The following ARHGAP8 variants were observed in gnomAD, a reference collection of about 807,000 sequenced individuals.
The protein encoded by ARHGAP8 is Rho GTPase activating protein 8, also known as rho GTPase-activating protein 8.
A neutral mutation model predicts 46.1 loss-of-function variants in ARHGAP8; 62 were observed. That is an observed-to-expected ratio of 1.34 (90% CI 1.10 to 1.66). The LOEUF is 1.66. ARHGAP8 is among the 40% of genes most tolerant of loss of function. The probability of loss-of-function intolerance (pLI) is 0.00; values close to 1 mark genes in which losing one functional copy is unlikely to be tolerated. For synonymous variants in ARHGAP8, 375 were observed against 243.1 expected, an observed-to-expected ratio of 1.54 and a Z score of -5.05; for missense variants, 923 against 568.4, an observed-to-expected ratio of 1.62 and a Z score of -6.34.
At chr22:44,791,776 C>T (rs116914699) in intron 2 of ARHGAP8, among the ~76,000 whole-genome samples, 2 of 152,254 alleles carry the variant, frequency 1.3e-5, no homozygotes, top group Admixed American at 6.5e-5. Context: ...ATATGAGGGC[C>T]TCAGCCATCC....
chr22:44,844,853 T>C (rs1414271974), intron 7 of ARHGAP8, among the ~76,000 whole-genome samples: 2 of 152,152 alleles, frequency 1.3e-5, no homozygotes, highest in African/African-American at 4.8e-5. Flanking sequence ...ATTGAATCAA[T>C]ATCCAGTCCA....
intron 9 of ARHGAP8, 90 bp from the exon 10 acceptor site, chr22:44,848,842 C>T: frequency 6.3e-7 from 1 of 1,577,620 alleles, no homozygotes; most frequent in Non-Finnish European, 8.6e-7. Flanking sequence ...CCCATCCGGA[C>T]ATCTCACGCC....
chr22:44,757,567 A>G (rs1052090173), intron 1 of ARHGAP8, among the ~76,000 whole-genome samples: 4 of 152,042 alleles, frequency 2.6e-5, no homozygotes, highest in African/African-American at 9.7e-5. Flanking sequence ...GTGAGCCACC[A>G]TGCCTGGCCC....
intron 7 of ARHGAP8, among the ~76,000 whole-genome samples, chr22:44,837,032 G>T (rs1035321911): frequency 6.6e-6 from 1 of 152,022 alleles, no homozygotes; most frequent in Admixed American, 6.6e-5. Flanking sequence ...CTACAGGCGC[G>T]TGCCACCGTA....
At chr22:44,825,732 G>C (rs1456755243) in intron 7 of ARHGAP8, 139 bp downstream of exon 7, 7 of 1,083,364 alleles carry the variant, frequency 6.5e-6, no homozygotes, top group South Asian at 1.7e-5. Flanking sequence ...TAAAGCCTGA[G>C]CTCATCACTG....
intron 10 of ARHGAP8, among the ~76,000 whole-genome samples, chr22:44,858,111 A>G (rs1198973993): frequency 6.6e-6 from 1 of 152,212 alleles, no homozygotes; most frequent in Non-Finnish European, 1.5e-5. Flanking sequence ...GCTTGATTTC[A>G]TGGAATAATG....
chr22:44,860,459 ACCTTTCCCT>A (rs995008333), intron 11 of ARHGAP8, among the ~76,000 whole-genome samples: 12 of 151,034 alleles, frequency 7.9e-5, no homozygotes, highest in African/African-American at 2.7e-4. Context: ...ATCTCCCTCC[ACCTTTCCCT>A]CCTAAGTGTG....
rs773183238 is a variant in ARHGAP8 at position 44,859,852 on chromosome 22, G to A, written c.981+18G>A. 1.6e-3 allele frequency: 2,646 copies of A among 1,611,112 alleles called. 8 individuals carry two copies. Among genetic ancestry groups the A allele is most frequent in the Non-Finnish European group, 1.7e-3 (2,012 of 1,178,686 alleles). On this transcript the variant is annotated intron_variant, in intron 11 of 11. Transcript: ENST00000356099. The stretch of plus-strand genomic sequence containing the variant: ...TGCATGCGGTGAGTGGGGAAGGGGG[G>A]AGCTTGGGGTGAAGCCCAGTGGCCT...
At chr22:44,802,667 A>G (rs2349853) in intron 3 of ARHGAP8, among the ~76,000 whole-genome samples, 66,733 of 151,954 alleles carry the variant, frequency 0.44, 15,963 homozygotes, top group Non-Finnish European at 0.55. Flanking sequence ...CCAGTCCCCA[A>G]GGTCAAGGCA....
intron 8 of ARHGAP8, 22 bp from the exon 9 acceptor site, chr22:44,847,951 C>A: frequency 6.2e-7 from 1 of 1,605,458 alleles, no homozygotes; most frequent in Non-Finnish European, 8.5e-7. Flanking sequence ...CTGTGAGATG[C>A]CTGGAAGCTC....
intron 2 of ARHGAP8, among the ~76,000 whole-genome samples, chr22:44,787,439 G>A (rs956228054): frequency 1.1e-4 from 16 of 152,080 alleles, no homozygotes; most frequent in African/African-American, 3.6e-4. Flanking sequence ...TCTGCCTCCC[G>A]GGTTCAAGAG....
intron 1 of ARHGAP8, among the ~76,000 whole-genome samples, chr22:44,782,450 C>G (rs573140515): frequency 6.6e-6 from 1 of 152,322 alleles, no homozygotes; most frequent in East Asian, 1.9e-4. Context: ...AGTTCCAGAA[C>G]GTTTTCATCA....
At chr22:44,828,292 T>TCTTGCA (rs1307927858) in intron 7 of ARHGAP8, among the ~76,000 whole-genome samples, 4 of 152,204 alleles carry the variant, frequency 2.6e-5, no homozygotes, top group Non-Finnish European at 1.5e-5. Context: ...TGCGAACAAC[T>TCTTGCA]CTTGCACTCC....
At chr22:44,849,099 C>T in intron 10 of ARHGAP8, 39 bp downstream of exon 10, 1 of 1,610,732 alleles carries the variant, frequency 6.2e-7, no homozygotes, top group Non-Finnish European at 8.5e-7. Context: ...GGGGCTTGGT[C>T]CTCAGATGCT....
In ARHGAP8 at chr22:44,808,305, A is replaced by G; in HGVS notation, c.168-2A>G. 1 of 1,611,824 alleles carries G rather than the reference A, an allele frequency of 6.2e-7. No homozygotes were observed. The highest frequency in any genetic ancestry group is 8.5e-7 in the Non-Finnish European group (1 of 1,178,544). On this transcript the variant is annotated splice_acceptor_variant, in intron 3 of 11. Coordinates refer to ENST00000356099, the MANE Select transcript of ARHGAP8 (RefSeq NM_181335.3). LOFTEE classifies it high-confidence loss of function. ...TAACTGAATCTTCTGTGTTGTGCCC[A>G]GGTATTTGAAGTACACACTGGACCA...
In ARHGAP8 at chr22:44,789,510, C is replaced by A. The variant is rs997178654; in HGVS notation, c.79+2904C>A. On this transcript the variant is annotated intron_variant, in intron 2 of 11. Coordinates refer to ENST00000356099, the MANE Select transcript of ARHGAP8 (RefSeq NM_181335.3). ...TTGTTATGACTTCTTGATGTATTGA[C>A]CTTTTTTTGAGACAAGGTCTCACTT... Among the ~76,000 whole-genome samples the A allele has an allele frequency of 7.3e-5, 11 of 151,588 alleles. 1 individual carries two copies. Among genetic ancestry groups the A allele is most frequent in the Admixed American group, 7.2e-4 (11 of 15,208 alleles).
chr22:44,811,753 T>G (rs1929349913), intron 4 of ARHGAP8, among the ~76,000 whole-genome samples: 1 of 152,124 alleles, frequency 6.6e-6, no homozygotes, highest in Non-Finnish European at 1.5e-5. Context: ...CCCAGCACTT[T>G]GGGAGTCTGA....
At chr22:44,807,088 C>T (rs1419156588) in intron 3 of ARHGAP8, among the ~76,000 whole-genome samples, 1 of 152,192 alleles carries the variant, frequency 6.6e-6, no homozygotes, top group African/African-American at 2.4e-5. Flanking sequence ...TCTCCCGAGG[C>T]AGTTCTGGGA....
At chr22:44,795,388 C>T (rs1433642849) in intron 2 of ARHGAP8, among the ~76,000 whole-genome samples, 1 of 152,082 alleles carries the variant, frequency 6.6e-6, no homozygotes. Context: ...TTGGGTACCT[C>T]GGGCCCTGTG....
Sources: allele counts gnomAD v4.1 joint callset (sites outside exome capture counted in the v4.1 genomes callset), GRCh38; gene constraint gnomAD v4.1.1; transcripts MANE v1.5; gene names NCBI Gene and HGNC (gene_info 2026-07-23, HGNC 2026-07-21).